AP1G1: variants seen among roughly 807,000 people sequenced by gnomAD.
AP1G1 encodes the protein adaptor related protein complex 1 subunit gamma 1, also known as AP-1 complex subunit gamma-1.
In AP1G1, 7 loss-of-function variants were observed where a neutral mutation model predicts 108.3. The observed-to-expected ratio is 0.06, with a 90% CI of 0.04 to 0.12. AP1G1 has a LOEUF of 0.12. Among genes scored for constraint, AP1G1 ranks in the 10% least tolerant of loss-of-function variants. AP1G1 has a pLI of 1.00. For synonymous variants in AP1G1, 379 were observed against 353.5 expected (o/e 1.07, Z -0.81); for missense variants, 756 against 1,010.7 (o/e 0.75, Z 3.42).
At chr16:71,736,726 C>T (rs2045552519) in intron 21 of AP1G1, among the ~76,000 whole-genome samples, 1 of 150,126 alleles carries the variant, frequency 6.7e-6, no homozygotes, top group African/African-American at 2.4e-5. Context: ...GCTGACACTA[C>T]AGGCGCCCGC....
In AP1G1 at chr16:71,749,988, G is replaced by GA. The variant is rs752000228; in HGVS notation, c.1408-6dup. 56 of 1,607,654 alleles carry GA rather than the reference G, an allele frequency of 3.5e-5. No individual in the cohort carries two copies. In the Admixed American group the frequency reaches 9.2e-4, roughly 26 times the overall value. On this transcript the variant is annotated splice_region_variant and splice_polypyrimidine_tract_variant and intron_variant, in intron 14 of 22. Coordinates refer to ENST00000299980, the MANE Select transcript of AP1G1 (RefSeq NM_001128.6). ...AGCCACTTGTACCAAAGGTTGCTGT[G>GA]AAAAGAAAAGTCAACGTTTCTCAAG...
intron 9 of AP1G1, 71 bp from the exon 10 acceptor site, chr16:71,761,638 T>A: frequency 8.5e-7 from 1 of 1,178,368 alleles, no homozygotes; most frequent in Admixed American, 1.8e-5. Flanking sequence ...GTTTAAAGGA[T>A]CACTTCATGA....
At chr16:71,792,858 A>C (rs1215477427) in intron 1 of AP1G1, among the ~76,000 whole-genome samples, 2 of 151,718 alleles carry the variant, frequency 1.3e-5, no homozygotes, top group Non-Finnish European at 2.9e-5. Context: ...TGTCAAAAAG[A>C]AAGAAAAAAA....
At chr16:71,776,880 T>C (rs1449924328) in intron 2 of AP1G1, among the ~76,000 whole-genome samples, 1 of 151,300 alleles carries the variant, frequency 6.6e-6, no homozygotes, top group African/African-American at 2.4e-5. Context: ...GAGGCCAAGG[T>C]GGATGGATCA....
chr16:71,786,349 G>T (rs1567660033), intron 2 of AP1G1, among the ~76,000 whole-genome samples: 1 of 152,088 alleles, frequency 6.6e-6, no homozygotes, highest in Non-Finnish European at 1.5e-5. Context: ...CCTTAGTCCA[G>T]GGACTGTGGC....
intron 2 of AP1G1, among the ~76,000 whole-genome samples, chr16:71,787,839 T>C (rs2032263159): frequency 5.3e-5 from 8 of 152,322 alleles, no homozygotes; most frequent in Middle Eastern, 3.4e-3. Context: ...ATGAAATATA[T>C]TTCAAAGAAC....
At chr16:71,771,048 A>G in intron 5 of AP1G1, 108 bp downstream of exon 5, 1 of 609,488 alleles carries the variant, frequency 1.6e-6, no homozygotes, top group East Asian at 3.1e-5. Flanking sequence ...AAGGCACAGC[A>G]GAAACGCGAC....
At chr16:71,749,097 T>C (rs2030345533) in intron 15 of AP1G1, among the ~76,000 whole-genome samples, 1 of 152,010 alleles carries the variant, frequency 6.6e-6, no homozygotes, top group Non-Finnish European at 1.5e-5. Context: ...TTAGTAGAGA[T>C]AGGGTTTCAC....
At chr16:71,804,208 A>T (rs943965792) in intron 1 of AP1G1, among the ~76,000 whole-genome samples, 1 of 150,588 alleles carries the variant, frequency 6.6e-6, no homozygotes, top group Non-Finnish European at 1.5e-5. Context: ...CATCATGCCC[A>T]GCTAATTTTT....
chr16:71,745,691 T>C, intron 17 of AP1G1, 77 bp from the exon 18 acceptor site: 2 of 1,256,496 alleles, frequency 1.6e-6, no homozygotes, highest in Admixed American at 1.7e-5. Flanking sequence ...ATTAACTATG[T>C]TGAGCCCAAG....
chr16:71,756,895 C>T (rs1197069133), intron 11 of AP1G1, among the ~76,000 whole-genome samples: 1 of 141,916 alleles, frequency 7.0e-6, no homozygotes, highest in Non-Finnish European at 1.5e-5. Flanking sequence ...TGAAGTGAGG[C>T]ACTCCAGCCT....
rs1259434976 is a variant in AP1G1, at chr16:71,729,253, A to AGAAGATGTGATGGGGCATAAT, written c.*3784_*3804dup. ...CAGCTTTTTAATATTTTTACAGTAA[A>AGAAGATGTGATGGGGCATAAT]GAAGATGTGATGGGGCATAATGAAA... On this transcript the variant is annotated 3_prime_UTR_variant, in exon 23 of 23. Transcript: ENST00000299980. 1 of 152,476 alleles carries AGAAGATGTGATGGGGCATAAT rather than the reference A, an allele frequency of 6.6e-6. No individual in the cohort carries two copies. Among genetic ancestry groups the AGAAGATGTGATGGGGCATAAT allele is most frequent in the Non-Finnish European group, 1.5e-5 (1 of 67,998 alleles). The allele number at this position is 152,476 out of a possible 1,614,324, so 9.4% of individuals were successfully genotyped here.
Position 71,780,014 on chromosome 16 carries a change from G to C in AP1G1, c.202-5422C>G, listed in dbSNP as rs1397410656. On this transcript the variant is annotated intron_variant, in intron 2 of 22. Transcript: ENST00000299980. ...TTTTTTGTTTTTTTTTTTTTTTTGA[G>C]ACGAAGTCTGGCTCTGTCACCCAGG... 3.7e-5 allele frequency among the ~76,000 whole-genome samples: 5 copies of C among 134,650 alleles called. No homozygotes were observed. The East Asian group carries it at 1.1e-3, about 28-fold the overall frequency. 88.3% of individuals were successfully genotyped at this position (134,650 alleles called of 152,430 possible).
chr16:71,806,759 T>A lies in AP1G1; in HGVS notation c.-4+2004A>T, dbSNP rs553188480. 182 of 1,272,634 alleles carry A rather than the reference T, an allele frequency of 1.4e-4. 1 individual carries two copies. In the South Asian group the frequency reaches 2.1e-3, roughly 15 times the overall value. 78.8% of individuals were successfully genotyped at this position (1,272,634 alleles called of 1,614,324 possible). On this transcript the variant is annotated intron_variant, in intron 1 of 22. Transcript: ENST00000299980. ...AACCAAAAGAGAAAATTCCATTGCT[T>A]CAGGGTAATACAGAACTCACGTATC...
chr16:71,770,230 G>T (rs1233110137), intron 5 of AP1G1, among the ~76,000 whole-genome samples: 1 of 152,162 alleles, frequency 6.6e-6, no homozygotes, highest in East Asian at 1.9e-4. Context: ...AAATAATTCA[G>T]TTGTTCAACA....
At chr16:71,736,117 A>AAAAAAAAAAAAAAATATAT (rs1555550846) in intron 21 of AP1G1, among the ~76,000 whole-genome samples, 5 of 71,636 alleles carry the variant, frequency 7.0e-5, no homozygotes, top group East Asian at 9.5e-4. Flanking sequence ...AAAAAAAAAA[A>AAAAAAAAAAAAAAATATAT]ATATATATAT....
intron 19 of AP1G1, among the ~76,000 whole-genome samples, chr16:71,741,565 A>G (rs1205388556): frequency 1.3e-5 from 2 of 152,238 alleles, no homozygotes; most frequent in Non-Finnish European, 2.9e-5. Context: ...CCTGGGTGAC[A>G]GAGCAAGACA....
At chr16:71,736,374 T>C (rs1429724351) in intron 21 of AP1G1, among the ~76,000 whole-genome samples, 2 of 147,574 alleles carry the variant, frequency 1.4e-5, no homozygotes, top group African/African-American at 2.5e-5. Flanking sequence ...GTAGAACCTA[T>C]AAAATATGAC....
Position 71,731,810 on chromosome 16 carries a change from C to A in AP1G1, c.*1248G>T, listed in dbSNP as rs879543247. 3 of 152,638 alleles carry A rather than the reference C, an allele frequency of 2.0e-5. No homozygotes were observed. Among genetic ancestry groups the A allele is most frequent in the Non-Finnish European group, 4.4e-5 (3 of 68,034 alleles). The allele number at this position is 152,638 out of a possible 1,614,324, so 9.5% of individuals were successfully genotyped here. ...TTCCTACCCTATGGTGTCCGTAAGA[C>A]CTCCTCTGACATAGGGGTATGGAAG... On this transcript the variant is annotated 3_prime_UTR_variant, in exon 23 of 23. Coordinates refer to ENST00000299980, the MANE Select transcript of AP1G1 (RefSeq NM_001128.6).
Sources: allele counts gnomAD v4.1 joint callset (sites outside exome capture counted in the v4.1 genomes callset), GRCh38; gene constraint gnomAD v4.1.1; transcripts MANE v1.5; gene names NCBI Gene and HGNC (gene_info 2026-07-23, HGNC 2026-07-21).